Variants in GLIS3 observed in about 807,000 individuals in gnomAD.
GLIS3 encodes the protein GLIS family zinc finger 3, also known as zinc finger protein GLIS3.
GLIS3 carries 53 observed loss-of-function variants against 78.6 expected under a neutral mutation model. The observed-to-expected ratio is 0.67, with a 90% CI of 0.54 to 0.85. The LOEUF (loss-of-function observed/expected upper bound fraction) is 0.85, where lower values mean the gene tolerates loss of function less well. GLIS3 is among the 40% of genes least tolerant of loss of function. The pLI is 0.00. For synonymous variants in GLIS3, 684 were observed against 509.9 expected (o/e 1.34, Z -4.60); for missense variants, 1,703 against 1,231.1 (o/e 1.38, Z -5.74).
chr9:4,303,475 C>G (rs953817860), upstream of GLIS3, among the ~76,000 whole-genome samples: 3 of 152,158 alleles, frequency 2.0e-5, no homozygotes, highest in Non-Finnish European at 2.9e-5. Context: ...AAAACTTAAG[C>G]TGATTTTTCT....
chr9:4,385,727 G>A, the GLIS3 span, among the ~76,000 whole-genome samples: 4 of 41,072 alleles, frequency 9.7e-5, no homozygotes, highest in African/African-American at 2.5e-4. Context: ...GAGAGAGAAA[G>A]AAAGAAAGAA....
intron 8 of GLIS3, among the ~76,000 whole-genome samples, chr9:3,859,272 A>G (rs1407658862): frequency 6.6e-6 from 1 of 151,440 alleles, no homozygotes; most frequent in Non-Finnish European, 1.5e-5. Flanking sequence ...TGTTTTCACT[A>G]TTGTTGGAGG....
At chr9:4,388,974 G>A in the GLIS3 span, among the ~76,000 whole-genome samples, 1 of 152,082 alleles carries the variant, frequency 6.6e-6, no homozygotes, top group Non-Finnish European at 1.5e-5. Context: ...GGATAGGGTA[G>A]GGGTACCAAC....
chr9:4,298,060 G>A (rs1166527387), intron 1 of GLIS3, among the ~76,000 whole-genome samples: 3 of 152,262 alleles, frequency 2.0e-5, no homozygotes, highest in African/African-American at 4.8e-5. Context: ...GCGAGGGAGC[G>A]AACGCAGCGC....
intron 8 of GLIS3, among the ~76,000 whole-genome samples, chr9:3,872,628 G>T (rs1332588826): frequency 1.3e-5 from 2 of 152,112 alleles, no homozygotes; most frequent in Non-Finnish European, 2.9e-5. Context: ...ACAACAGTAT[G>T]GGGGAAACCA....
intron 9 of GLIS3, among the ~76,000 whole-genome samples, chr9:3,830,419 G>A (rs1024548227): frequency 1.3e-5 from 2 of 152,104 alleles, no homozygotes; most frequent in Admixed American, 1.3e-4. Context: ...GAGCATTGTG[G>A]CTCTGCTGTT....
the GLIS3 span, among the ~76,000 whole-genome samples, chr9:4,370,727 T>C: frequency 1.3e-5 from 2 of 151,534 alleles, no homozygotes; most frequent in Non-Finnish European, 2.9e-5. Flanking sequence ...TTTTAATTAA[T>C]TAAATTTAGC....
At chr9:4,378,965 T>C in the GLIS3 span, among the ~76,000 whole-genome samples, 1 of 152,184 alleles carries the variant, frequency 6.6e-6, no homozygotes, top group Non-Finnish European at 1.5e-5. Context: ...TGTTTTGGGT[T>C]AAATGAAGGC....
chr9:3,911,097 C>T (rs1054547222), intron 6 of GLIS3, among the ~76,000 whole-genome samples: 1 of 151,692 alleles, frequency 6.6e-6, no homozygotes, highest in Non-Finnish European at 1.5e-5. Context: ...ATCTTCCTTC[C>T]TTTCTTCCTT....
intron 2 of GLIS3, among the ~76,000 whole-genome samples, chr9:4,251,280 C>T (rs180921189): frequency 4.6e-5 from 7 of 152,312 alleles, no homozygotes; most frequent in African/African-American, 1.7e-4. Flanking sequence ...CTTTATGAAT[C>T]TGGGTCCTCC....
intron 9 of GLIS3, among the ~76,000 whole-genome samples, chr9:3,851,105 G>A (rs950008700): frequency 1.3e-5 from 2 of 152,188 alleles, no homozygotes; most frequent in African/African-American, 4.8e-5. Context: ...CCAGAAGCAG[G>A]AAAGTTGTGA....
the GLIS3 span, among the ~76,000 whole-genome samples, chr9:4,453,711 A>G: frequency 6.6e-6 from 1 of 152,220 alleles, no homozygotes. Flanking sequence ...ACATGGATGA[A>G]GCTGGAAACC....
the GLIS3 span, among the ~76,000 whole-genome samples, chr9:4,461,346 T>A: frequency 6.8e-6 from 1 of 147,446 alleles, no homozygotes; most frequent in African/African-American, 2.5e-5. Context: ...AGGGAATACA[T>A]TTTTCAATTA....
At chr9:4,263,350 G>T (rs1051940501) in intron 2 of GLIS3, among the ~76,000 whole-genome samples, 1 of 152,184 alleles carries the variant, frequency 6.6e-6, no homozygotes, top group African/African-American at 2.4e-5. Flanking sequence ...TTATGGTTTA[G>T]ATGTTTTTCA....
chr9:3,856,687 G>T (rs1286131776), intron 8 of GLIS3, among the ~76,000 whole-genome samples: 3 of 152,122 alleles, frequency 2.0e-5, no homozygotes, highest in Non-Finnish European at 2.9e-5. Context: ...TATTCTCTTT[G>T]AACAATGCAT....
intron 4 of GLIS3, among the ~76,000 whole-genome samples, chr9:4,015,648 G>C (rs1351834068): frequency 2.6e-5 from 4 of 152,114 alleles, no homozygotes; most frequent in Non-Finnish European, 5.9e-5. Context: ...AGCACTTTGG[G>C]AGGCTGTGGC....
chr9:3,864,789 T>G (rs928271123), intron 8 of GLIS3, among the ~76,000 whole-genome samples: 2 of 152,196 alleles, frequency 1.3e-5, no homozygotes, highest in Non-Finnish European at 2.9e-5. Flanking sequence ...ACACAATTAG[T>G]GAAGGGCGTT....
At chr9:4,276,727 G>A (rs746944370) in intron 2 of GLIS3, among the ~76,000 whole-genome samples, 1 of 152,060 alleles carries the variant, frequency 6.6e-6, no homozygotes, top group Non-Finnish European at 1.5e-5. Context: ...AACAAATCAC[G>A]CCTCCGATTG....
intron 2 of GLIS3, among the ~76,000 whole-genome samples, chr9:4,169,723 A>G (rs1238802948): frequency 1.3e-5 from 2 of 152,222 alleles, no homozygotes; most frequent in Admixed American, 6.5e-5. Flanking sequence ...AACCTACTCA[A>G]ATCGTTCAGG....
Sources: allele counts gnomAD v4.1 joint callset (sites outside exome capture counted in the v4.1 genomes callset), GRCh38; gene constraint gnomAD v4.1.1; transcripts MANE v1.5; gene names NCBI Gene and HGNC (gene_info 2026-07-23, HGNC 2026-07-21).